GPC5: variants seen among roughly 807,000 people sequenced by gnomAD.
GPC5 encodes glypican 5, also known as glypican-5.
Under a neutral mutation model 53.9 loss-of-function variants are expected in GPC5, and 47 were observed. The observed-to-expected ratio is 0.87, with a 90% CI of 0.69 to 1.11. The LOEUF is 1.11. GPC5 is among the 50% of genes most tolerant of loss of function. GPC5 has a pLI of 0.00. For synonymous variants in GPC5, 286 were observed against 263.3 expected, an observed-to-expected ratio of 1.09 and a Z score of -0.84; for missense variants, 748 against 713.1, an observed-to-expected ratio of 1.05 and a Z score of -0.56.
At chr13:92,680,133 A>C (rs553312456) in intron 7 of GPC5, among the ~76,000 whole-genome samples, 1 of 152,332 alleles carries the variant, frequency 6.6e-6, no homozygotes, top group East Asian at 1.9e-4. Context: ...AAAATAATTA[A>C]TTATAGGGAA....
At chr13:92,563,482 C>T (rs1882764794) in intron 7 of GPC5, among the ~76,000 whole-genome samples, 1 of 151,768 alleles carries the variant, frequency 6.6e-6, no homozygotes, top group South Asian at 2.1e-4. Context: ...TTGAAAAGGA[C>T]TCAATTAATG....
At chr13:91,572,074 CACAT>C (rs1400065501) in intron 2 of GPC5, among the ~76,000 whole-genome samples, 6 of 134,236 alleles carry the variant, frequency 4.5e-5, no homozygotes, top group Admixed American at 2.1e-4. Context: ...TGTATATACA[CACAT>C]ATGTATATGT....
intron 7 of GPC5, among the ~76,000 whole-genome samples, chr13:92,244,864 C>T (rs1228024858): frequency 6.6e-6 from 1 of 151,980 alleles, no homozygotes; most frequent in Non-Finnish European, 1.5e-5. Context: ...ATGGTGAAAT[C>T]CCATCTCTAT....
intron 5 of GPC5, among the ~76,000 whole-genome samples, chr13:91,816,343 G>T (rs1489730548): frequency 6.6e-6 from 1 of 152,264 alleles, no homozygotes; most frequent in East Asian, 1.9e-4. Context: ...AGGATTCTCG[G>T]TTGTGCTTCT....
intron 7 of GPC5, among the ~76,000 whole-genome samples, chr13:92,749,770 T>C (rs1409164128): frequency 6.6e-6 from 1 of 152,094 alleles, no homozygotes; most frequent in Admixed American, 6.6e-5. Context: ...ACATCTACAG[T>C]TCATAGACCC....
At chr13:92,319,460 A>C (rs967650039) in intron 7 of GPC5, among the ~76,000 whole-genome samples, 7 of 151,184 alleles carry the variant, frequency 4.6e-5, no homozygotes, top group Admixed American at 4.6e-4. Context: ...ATGAATTAAG[A>C]TGGAAATGTA....
chr13:91,610,834 A>G (rs990334207), intron 2 of GPC5, among the ~76,000 whole-genome samples: 1 of 152,162 alleles, frequency 6.6e-6, no homozygotes, highest in Non-Finnish European at 1.5e-5. Flanking sequence ...TATGTTAGAC[A>G]TGTTCTTGCC....
intron 7 of GPC5, among the ~76,000 whole-genome samples, chr13:92,645,365 G>A (rs1381498658): frequency 1.3e-5 from 2 of 152,146 alleles, no homozygotes; most frequent in Admixed American, 1.3e-4. Context: ...GACTGGTCTC[G>A]AACTCCTGAC....
chr13:92,522,444 A>AAAAAAAACTACAC (rs1881096454), intron 7 of GPC5, among the ~76,000 whole-genome samples: 1 of 152,204 alleles, frequency 6.6e-6, no homozygotes, highest in South Asian at 2.1e-4. Flanking sequence ...AGCCATAAAA[A>AAAAAAAACTACAC]AGGATGAGTT....
At chr13:92,777,397 G>C (rs1383023283) in intron 7 of GPC5, among the ~76,000 whole-genome samples, 1 of 151,288 alleles carries the variant, frequency 6.6e-6, no homozygotes, top group Non-Finnish European at 1.5e-5. Context: ...TACTTTGGGA[G>C]GCCAAGGCAG....
intron 5 of GPC5, among the ~76,000 whole-genome samples, chr13:91,765,154 G>A (rs780551972): frequency 3.3e-5 from 5 of 152,208 alleles, no homozygotes; most frequent in Non-Finnish European, 5.9e-5. Flanking sequence ...ACAAGAATGG[G>A]CTGCCTTCCA....
chr13:92,265,458 T>G (rs1220297030), intron 7 of GPC5, among the ~76,000 whole-genome samples: 4 of 152,138 alleles, frequency 2.6e-5, no homozygotes, highest in Non-Finnish European at 5.9e-5. Flanking sequence ...TGGTCTTTCT[T>G]CACTCCATTT....
chr13:91,911,380 C>A lies in GPC5; in HGVS notation c.1401+3323C>A, dbSNP rs2039608734. Among the ~76,000 whole-genome samples, 3 of 151,922 alleles carry A rather than the reference C, an allele frequency of 2.0e-5. No homozygotes were observed. The South Asian group carries it at 6.2e-4, about 31-fold the overall frequency. ...CCAATATGGTGAAACCCTATCCCTACTAAAAATACAAAAATTAGCCGGGCA... is the reference window on the plus strand; with the variant it reads ...CCAATATGGTGAAACCCTATCCCTAATAAAAATACAAAAATTAGCCGGGCA... On this transcript the variant is annotated intron_variant, in intron 6 of 7. Transcript: ENST00000377067.
At chr13:92,784,913 T>C (rs1007568654) in intron 7 of GPC5, among the ~76,000 whole-genome samples, 19 of 152,170 alleles carry the variant, frequency 1.2e-4, no homozygotes, top group Admixed American at 9.8e-4. Flanking sequence ...TATTATATCA[T>C]TTAGATATTT....
chr13:91,962,765 AC>A (rs1448865544), intron 6 of GPC5, among the ~76,000 whole-genome samples: 2 of 152,188 alleles, frequency 1.3e-5, no homozygotes, highest in Admixed American at 6.6e-5. Context: ...CATTAGTTAT[AC>A]CTACTGAAAG....
At chr13:91,837,166 C>T (rs556502662) in intron 5 of GPC5, among the ~76,000 whole-genome samples, 1 of 151,676 alleles carries the variant, frequency 6.6e-6, no homozygotes, top group South Asian at 2.1e-4. Flanking sequence ...TTGCCAGTAA[C>T]TTTCCAATAA....
intron 2 of GPC5, among the ~76,000 whole-genome samples, chr13:91,585,030 TGGCAAGTTCTTGAACA>T (rs1176932601): frequency 6.6e-6 from 1 of 152,198 alleles, no homozygotes; most frequent in Non-Finnish European, 1.5e-5. Flanking sequence ...ATTTTTGAAA[TGGCAAGTTCTTGAACA>T]GGCATTCTAC....
chr13:92,645,456 G>A lies in GPC5; in HGVS notation c.1562-220826G>A, dbSNP rs1278294845. ...TATAAATGTAATCATGCTTGAAGAA[G>A]CTTTTTAAATCTAACTTTTTTACTT... On this transcript the variant is annotated intron_variant, in intron 7 of 7. Coordinates refer to ENST00000377067, the MANE Select transcript of GPC5 (RefSeq NM_004466.6). Among the ~76,000 whole-genome samples, 5 of 152,264 alleles carry A rather than the reference G, an allele frequency of 3.3e-5. No individual in the cohort carries two copies. The East Asian group carries it at 7.7e-4, about 24-fold the overall frequency.
intron 6 of GPC5, among the ~76,000 whole-genome samples, chr13:92,037,487 G>C (rs1488885547): frequency 6.6e-6 from 1 of 152,036 alleles, no homozygotes; most frequent in Non-Finnish European, 1.5e-5. Context: ...TATTGACCTT[G>C]ATTTGTTTTC....
Sources: allele counts gnomAD v4.1 joint callset (sites outside exome capture counted in the v4.1 genomes callset), GRCh38; gene constraint gnomAD v4.1.1; transcripts MANE v1.5; gene names NCBI Gene and HGNC (gene_info 2026-07-23, HGNC 2026-07-21).